Variants in DICER1 observed in about 807,000 individuals in gnomAD.
DICER1 encodes the protein dicer 1, ribonuclease III.
DICER1 carries 43 observed loss-of-function variants against 194.1 expected under a neutral mutation model. That is an observed-to-expected ratio of 0.22 (90% CI 0.17 to 0.29). DICER1 has a LOEUF of 0.29. Ranked by LOEUF, DICER1 falls within the 10% of genes least tolerant of loss-of-function variation. The pLI is 1.00. For synonymous variants in DICER1, 832 were observed against 820.5 expected (o/e 1.01, Z -0.24); for missense variants, 1,608 against 2,317.0 (o/e 0.69, Z 6.28).
At position 95,103,204 on chromosome 14, in the gene DICER1, G is replaced by C. The variant is rs945537001; in HGVS notation, c.4050+142C>G. ...CCACAGGCTTTCGCTGGCCCTGGTAGAACAAGGGAGCAGCTGTGCTTGGCC... is the reference window on the plus strand; with the variant it reads ...CCACAGGCTTTCGCTGGCCCTGGTACAACAAGGGAGCAGCTGTGCTTGGCC... On this transcript the variant is annotated intron_variant, in intron 21 of 26. Transcript: ENST00000343455. 16 of 925,218 alleles carry C rather than the reference G, an allele frequency of 1.7e-5. No homozygotes were observed. In the African/African-American group the frequency reaches 2.4e-4, roughly 14 times the overall value. 57.3% of individuals were successfully genotyped at this position (925,218 alleles called of 1,614,324 possible).
intron 11 of DICER1, 56 bp from the exon 12 acceptor site, chr14:95,113,280 T>C: frequency 6.4e-7 from 1 of 1,551,112 alleles, no homozygotes; most frequent in Non-Finnish European, 8.9e-7. Context: ...ATATTGATAT[T>C]TATAACCTCG....
Position 95,088,278 on chromosome 14 carries a change from T to C in DICER1, c.*2220A>G, listed in dbSNP as rs1238219178. ...AATACTCTTCTTAAGGTTACAAATA[T>C]ATTGAGGCATTTTTCTCCCACTGGG... On this transcript the variant is annotated 3_prime_UTR_variant, in exon 27 of 27. Coordinates refer to ENST00000343455, the MANE Select transcript of DICER1 (RefSeq NM_177438.3). 1 of 232,102 alleles carries C rather than the reference T, an allele frequency of 4.3e-6. No individual in the cohort carries two copies. The highest frequency in any genetic ancestry group is 8.5e-6 in the Non-Finnish European group (1 of 117,184). The allele number at this position is 232,102 out of a possible 1,614,324, so 14.4% of individuals were successfully genotyped here. A position where few individuals can be genotyped will look rare whatever the true frequency, so the allele number is the denominator to read the frequency against.
rs1404198813 is a variant in DICER1 at position 95,130,091 on chromosome 14, T to G, written c.540A>C (p.Ala180=). 1 of 1,613,550 alleles carries G rather than the reference T, an allele frequency of 6.2e-7. No individual in the cohort carries two copies. Among genetic ancestry groups the G allele is most frequent in the South Asian group, 1.1e-5 (1 of 91,062 alleles). The change falls in exon 5 of 27, where the codon GCA becomes GCC. Residue 180 remains alanine (A), a synonymous_variant. Coordinates refer to ENST00000343455, the MANE Select transcript of DICER1 (RefSeq NM_177438.3). ...NLLVFDECHL[A]ILDHPYREIM... ...TTTCTCGATAGGGGTGGTCTAGGATTGCAAGATGACACTCATCAAACACCA... is the reference window on the plus strand; with the variant it reads ...TTTCTCGATAGGGGTGGTCTAGGATGGCAAGATGACACTCATCAAACACCA...
intron 14 of DICER1, among the ~76,000 whole-genome samples, chr14:95,110,479 T>A (rs1891859441): frequency 6.6e-6 from 1 of 152,144 alleles, no homozygotes; most frequent in African/African-American, 2.4e-5. Context: ...ATGAGGAGAA[T>A]GTGCCAACCC....
chr14:95,157,307 G>T lies in DICER1; in HGVS notation c.-123C>A. On this transcript the variant is annotated 5_prime_UTR_variant, in exon 1 of 27. Transcript: ENST00000343455. Reference sequence around the variant, plus strand: ...GCGCGCGTCACAGCCCAGGCCTCCCGGAGCCGCCCGGCGCCGCCGCCCCCG... The same window carrying T: ...GCGCGCGTCACAGCCCAGGCCTCCCTGAGCCGCCCGGCGCCGCCGCCCCCG... 6.5e-6 allele frequency: 1 copy of T among 154,894 alleles called. No individual in the cohort carries two copies. Among genetic ancestry groups the T allele is most frequent in the Non-Finnish European group, 1.4e-5 (1 of 70,306 alleles). The allele number at this position is 154,894 out of a possible 1,614,324, so 9.6% of individuals were successfully genotyped here.
chr14:95,119,944 T>C (rs1022858232), intron 8 of DICER1, among the ~76,000 whole-genome samples: 5 of 152,182 alleles, frequency 3.3e-5, no homozygotes, highest in African/African-American at 1.2e-4. Context: ...AGCCTATACT[T>C]TGTGTGTATA....
chr14:95,090,846 T>A (rs1889738833), intron 26 of DICER1, 183 bp from the exon 27 acceptor site: 7 of 943,554 alleles, frequency 7.4e-6, no homozygotes, highest in Non-Finnish European at 1.2e-5. Flanking sequence ...CGTCTAGTCT[T>A]TATTACAGCA....
chr14:95,119,621 A>ACAAGCTGTTCACCAG lies in DICER1; in HGVS notation c.1377-1882_1377-1868dup, dbSNP rs533961338. The stretch of plus-strand genomic sequence containing the variant: ...CTTTTGGTTTTTACACTCAGTTTAT[A>ACAAGCTGTTCACCAG]CAAGCTGTTCACCAGCAAGCTGTTC... On this transcript the variant is annotated intron_variant, in intron 8 of 26. Transcript: ENST00000343455. 5.7e-3 allele frequency among the ~76,000 whole-genome samples: 866 copies of ACAAGCTGTTCACCAG among 152,334 alleles called. 1 individual carries two copies. Among genetic ancestry groups the ACAAGCTGTTCACCAG allele is most frequent in the Admixed American group, 9.3e-3 (143 of 15,304 alleles).
chr14:95,156,056 C>G (rs1005760934), intron 1 of DICER1, among the ~76,000 whole-genome samples: 11 of 152,132 alleles, frequency 7.2e-5, no homozygotes, highest in African/African-American at 2.7e-4. Context: ...TTTTAATAAA[C>G]TGAGTTTTTT....
chr14:95,126,824 A>C, intron 6 of DICER1, 76 bp from the exon 7 acceptor site: 11 of 423,118 alleles, frequency 2.6e-5, no homozygotes, highest in South Asian at 2.1e-4. Context: ...TCAAAAAGCA[A>C]AAAAAAAAAA....
At chr14:95,115,846 A>C in intron 10 of DICER1, 25 bp from the exon 11 acceptor site, 1 of 1,613,278 alleles carries the variant, frequency 6.2e-7, no homozygotes, top group Non-Finnish European at 8.5e-7. Flanking sequence ...AACAGAACTT[A>C]TGATGAAAAC....
chr14:95,116,867 G>C (rs1228633390), intron 9 of DICER1, among the ~76,000 whole-genome samples, 172 bp from the exon 10 acceptor site: 1 of 152,180 alleles, frequency 6.6e-6, no homozygotes, highest in East Asian at 1.9e-4. Flanking sequence ...AACTCAGCAT[G>C]CATGGAAACA....
At chr14:95,118,197 T>C (rs949532718) in intron 8 of DICER1, among the ~76,000 whole-genome samples, 20 of 152,158 alleles carry the variant, frequency 1.3e-4, no homozygotes, top group Non-Finnish European at 2.2e-4. Flanking sequence ...CTCTAGACCA[T>C]GCACAGCTTG....
Position 95,126,586 on chromosome 14 carries a change from C to T in DICER1, c.897G>A (p.Ser299=), listed in dbSNP as rs201842071. The T allele has an allele frequency of 4.8e-5, 73 of 1,512,622 alleles. No individual in the cohort carries two copies. The highest frequency in any genetic ancestry group is 1.8e-4 in the Middle Eastern group (1 of 5,608). 93.7% of individuals were successfully genotyped at this position (1,512,622 alleles called of 1,614,324 possible). A position where few individuals can be genotyped will look rare whatever the true frequency, so the allele number is the denominator to read the frequency against. The change falls in exon 7 of 27, where the codon TCG becomes TCA. Residue 299 remains serine (S), a synonymous_variant. Coordinates refer to ENST00000343455, the MANE Select transcript of DICER1 (RefSeq NM_177438.3). ...HSKERDSTLI[S]KQILSDCRAV... ...CTACTTGGTATATGCTTACCTGTTT[C>T]GAAATTAAAGTAGAATCTCTTTCTT...
chr14:95,112,090 A>AT (rs2140075826), intron 13 of DICER1, 82 bp downstream of exon 13: 1 of 1,193,208 alleles, frequency 8.4e-7, no homozygotes, highest in African/African-American at 1.5e-5. Flanking sequence ...ATCCTTACAG[A>AT]TCTATAAAGT....
intron 11 of DICER1, 83 bp from the exon 12 acceptor site, chr14:95,113,307 T>C (rs1364615058): frequency 7.5e-7 from 1 of 1,330,510 alleles, no homozygotes; most frequent in Non-Finnish European, 1.1e-6. Context: ...ATTTGTCATG[T>C]GCCTCTTCCC....
intron 1 of DICER1, among the ~76,000 whole-genome samples, chr14:95,139,578 C>T (rs1387824984): frequency 6.6e-6 from 1 of 152,240 alleles, no homozygotes; most frequent in African/African-American, 2.4e-5. Context: ...ACATGAGTCT[C>T]ATTCTTTGCA....
At chr14:95,107,358 G>A (rs964467132) in intron 17 of DICER1, among the ~76,000 whole-genome samples, 12 of 150,878 alleles carry the variant, frequency 8.0e-5, no homozygotes, top group African/African-American at 2.9e-4. Flanking sequence ...TGAAGTGATT[G>A]CCCTGCCTCA....
chr14:95,107,146 G>A (rs1891494428), intron 17 of DICER1, among the ~76,000 whole-genome samples: 1 of 152,048 alleles, frequency 6.6e-6, no homozygotes, highest in Admixed American at 6.6e-5. Context: ...GCCCTGAGTA[G>A]CTGTGATTAC....
Sources: allele counts gnomAD v4.1 joint callset (sites outside exome capture counted in the v4.1 genomes callset), GRCh38; gene constraint gnomAD v4.1.1; transcripts MANE v1.5; gene names NCBI Gene and HGNC (gene_info 2026-07-23, HGNC 2026-07-21).